The following KIF27 variants were observed in gnomAD, a reference collection of about 807,000 sequenced individuals.
KIF27 encodes the protein kinesin family member 27.
A neutral mutation model predicts 141.8 loss-of-function variants in KIF27; 84 were observed. The ratio of observed to expected loss-of-function variants is 0.59; its 90% CI spans 0.50 to 0.71. The LOEUF is 0.71. Ranked by LOEUF, KIF27 falls within the 30% of genes least tolerant of loss-of-function variation. The probability of loss-of-function intolerance (pLI) is 0.00; values close to 1 mark genes in which losing one functional copy is unlikely to be tolerated. For synonymous variants in KIF27, 471 were observed against 569.5 expected (o/e 0.83, Z 2.46); for missense variants, 1,306 against 1,628.4 (o/e 0.80, Z 3.41).
At chr9:83,851,500 T>G (rs534086232) in intron 15 of KIF27, among the ~76,000 whole-genome samples, 1 of 152,144 alleles carries the variant, frequency 6.6e-6, no homozygotes, top group Non-Finnish European at 1.5e-5. Context: ...CACAGGTACA[T>G]GCCATCATGC....
intron 8 of KIF27, among the ~76,000 whole-genome samples, chr9:83,887,874 A>C (rs150637966): frequency 5.3e-5 from 8 of 152,140 alleles, no homozygotes; most frequent in Non-Finnish European, 1.2e-4. Context: ...AAAGCCACGT[A>C]TAGGTTCTTA....
At chr9:83,891,751 C>T (rs953670637) in intron 5 of KIF27, among the ~76,000 whole-genome samples, 3 of 152,156 alleles carry the variant, frequency 2.0e-5, no homozygotes, top group Admixed American at 6.5e-5. Context: ...AAAGATAACA[C>T]GCCATCCACT....
chr9:83,853,754 T>A lies in KIF27; in HGVS notation c.3232A>T (p.Asn1078Tyr), dbSNP rs1404071284. ...AIEYRNESIQNRQKSLRASFH... is the reference protein window; with the variant it reads ...AIEYRNESIQYRQKSLRASFH... ...GATGCTCTAAGTGACTTCTGGCGAT[T>A]CTGGATACTTTCATTCCTGTATTCA... Residue 1078 changes from asparagine (N) to tyrosine (Y), a missense_variant, in exon 15 of 18, where the codon AAT (asparagine) becomes TAT (tyrosine). Around this residue, in one of 4 missense-constraint regions of KIF27, gnomAD observed 596 missense variants for 751.6 expected, o/e 0.79. Coordinates refer to ENST00000297814, the MANE Select transcript of KIF27 (RefSeq NM_017576.4). 1 of 1,613,848 alleles carries A rather than the reference T, an allele frequency of 6.2e-7. No homozygotes were observed. Among genetic ancestry groups the A allele is most frequent in the Admixed American group, 1.7e-5 (1 of 60,018 alleles).
chr9:83,915,345 A>G lies in KIF27; in HGVS notation c.247T>C (p.Tyr83His). 6 of 1,613,628 alleles carry G rather than the reference A, an allele frequency of 3.7e-6. No homozygotes were observed. The highest frequency in any genetic ancestry group is 5.1e-6 in the Non-Finnish European group (6 of 1,179,658). Residue 83 changes from tyrosine (Y) to histidine (H), a missense_variant, in exon 2 of 18, where the codon TAT becomes CAT. Around this residue, in one of 4 missense-constraint regions of KIF27, gnomAD observed 533 missense variants for 565.6 expected, o/e 0.94. Coordinates refer to ENST00000297814, the MANE Select transcript of KIF27 (RefSeq NM_017576.4). ...GTCTTCCCAGATCCAGTTTGTCCAT[A>G]GGCAAAAACAGTTGCATTATAGCCC... ...IEGYNATVFA[Y>H]GQTGSGKTYT...
intron 17 of KIF27, among the ~76,000 whole-genome samples, chr9:83,838,303 G>A (rs1334136577): frequency 1.3e-5 from 2 of 151,752 alleles, no homozygotes; most frequent in African/African-American, 4.8e-5. Flanking sequence ...GCGTGATCTC[G>A]GCTCACTGCA....
intron 14 of KIF27, 30 bp from the exon 15 acceptor site, chr9:83,853,865 A>C: frequency 6.8e-7 from 1 of 1,469,036 alleles, no homozygotes; most frequent in Non-Finnish European, 9.5e-7. Context: ...CTCATTTTAA[A>C]TGAAATAGTA....
intron 11 of KIF27, among the ~76,000 whole-genome samples, chr9:83,877,895 T>C (rs111314343): frequency 0.1 from 15,572 of 152,024 alleles, 1,002 homozygotes; most frequent in Non-Finnish European, 0.14. Context: ...AATAAGCACA[T>C]GAAAAGATGC....
chr9:83,857,972 T>TG (rs1024344119), intron 14 of KIF27, among the ~76,000 whole-genome samples: 1 of 151,316 alleles, frequency 6.6e-6, no homozygotes, highest in African/African-American at 2.4e-5. Flanking sequence ...TTGGGTTTTT[T>TG]TTTTTTTTTT....
At position 83,859,277 on chromosome 9, in the gene KIF27, G is replaced by A. The variant is rs774309586; in HGVS notation, c.3029C>T (p.Ala1010Val). Residue 1010 changes from alanine to valine, a missense_variant, in exon 14 of 18, where the codon GCT becomes GTT. This residue lies in a region of KIF27 where 596 missense variants were observed against 751.6 expected (regional missense o/e 0.79). Transcript: ENST00000297814. ...EKNVQLQTST[A>V]EEKTKISEQV... ...TTCTGAAATCTTTGTTTTCTCCTCAGCTGTACTGGTCTGGAGCTGCACATT... is the reference window on the plus strand; with the variant it reads ...TTCTGAAATCTTTGTTTTCTCCTCAACTGTACTGGTCTGGAGCTGCACATT... 17 of 1,613,772 alleles carry A rather than the reference G, an allele frequency of 1.1e-5. No individual in the cohort carries two copies. Among genetic ancestry groups the A allele is most frequent in the Non-Finnish European group, 1.4e-5 (17 of 1,179,884 alleles).
chr9:83,889,652 G>A (rs1295903693), intron 6 of KIF27, among the ~76,000 whole-genome samples: 2 of 151,450 alleles, frequency 1.3e-5, no homozygotes, highest in Non-Finnish European at 2.9e-5. Flanking sequence ...TGCCGCCAAA[G>A]GTCTGCATCC....
chr9:83,879,582 C>T (rs1218620497), intron 11 of KIF27, among the ~76,000 whole-genome samples: 7 of 152,160 alleles, frequency 4.6e-5, no homozygotes, highest in African/African-American at 1.2e-4. Context: ...GAGCCTGGCA[C>T]ATAGTACTAG....
rs559491169 is a variant in KIF27 at position 83,844,617 on chromosome 9, C to G, written c.3557-2216G>C. 3.9e-4 allele frequency among the ~76,000 whole-genome samples: 59 copies of G among 152,296 alleles called. 1 individual carries two copies. Among genetic ancestry groups the G allele is most frequent in the Non-Finnish European group, 7.1e-4 (48 of 68,036 alleles). On this transcript the variant is annotated intron_variant, in intron 16 of 17. Transcript: ENST00000297814. ...TTATGCAAAATAAATGCATTTGACA[C>G]TCCTGATTCACTGCTCATGAGAGGC...
chr9:83,841,317 C>T (rs530196212), intron 17 of KIF27, among the ~76,000 whole-genome samples: 161 of 152,250 alleles, frequency 1.1e-3, no homozygotes, highest in Non-Finnish European at 1.6e-3. Flanking sequence ...GTGATCCACC[C>T]GCCTTGGCCT....
At chr9:83,884,435 T>A (rs1192156084) in intron 9 of KIF27, among the ~76,000 whole-genome samples, 1 of 152,130 alleles carries the variant, frequency 6.6e-6, no homozygotes, top group African/African-American at 2.4e-5. Context: ...ATTATGAAAA[T>A]TTTAAAATAC....
chr9:83,888,197 A>G (rs1394543075), intron 8 of KIF27, among the ~76,000 whole-genome samples: 1 of 147,622 alleles, frequency 6.8e-6, no homozygotes, highest in East Asian at 2.0e-4. Context: ...TTTTAACATC[A>G]TCAGGAATAC....
chr9:83,888,783 T>A (rs908729621), intron 7 of KIF27, among the ~76,000 whole-genome samples, 191 bp from the exon 8 acceptor site: 45 of 151,040 alleles, frequency 3.0e-4, no homozygotes, highest in African/African-American at 8.0e-4. Flanking sequence ...AAAGTCATGT[T>A]TGTTGCCAAC....
In KIF27 at chr9:83,848,169, C is replaced by CTGATATATCATATATGATATATA. The variant is rs1564284949; in HGVS notation, c.3556+1907_3556+1929dup. On this transcript the variant is annotated intron_variant, in intron 16 of 17. Coordinates refer to ENST00000297814, the MANE Select transcript of KIF27 (RefSeq NM_017576.4). ...ATCTGATATATCATATATGATATAT[C>CTGATATATCATATATGATATATA]TGATATATCATATATGATATATATG... 3.1e-4 allele frequency among the ~76,000 whole-genome samples: 19 copies of CTGATATATCATATATGATATATA among 60,576 alleles called. 4 individuals carry two copies. Among genetic ancestry groups the CTGATATATCATATATGATATATA allele is most frequent in the East Asian group, 1.3e-3 (3 of 2,354 alleles). 39.7% of individuals were successfully genotyped at this position (60,576 alleles called of 152,430 possible). A position where few individuals can be genotyped will look rare whatever the true frequency, so the allele number is the denominator to read the frequency against.
At chr9:83,893,239 T>C (rs1391379463) in intron 5 of KIF27, among the ~76,000 whole-genome samples, 1 of 152,132 alleles carries the variant, frequency 6.6e-6, no homozygotes, top group Admixed American at 6.5e-5. Context: ...TCTGTCATAG[T>C]GGGAGATTTT....
At position 83,834,363 on chromosome 9, in the gene KIF27, T is replaced by C. The variant is rs1945566383; in HGVS notation, c.*2638A>G. ...ACCAGAGGTTCATTTCCAGAATATA[T>C]TATTCACGACGTTATTTATATGTGT... On this transcript the variant is annotated 3_prime_UTR_variant, in exon 18 of 18. Transcript: ENST00000297814. 6.6e-6 allele frequency among the ~76,000 whole-genome samples: 1 copy of C among 152,082 alleles called. No individual in the cohort carries two copies. Among genetic ancestry groups the C allele is most frequent in the Non-Finnish European group, 1.5e-5 (1 of 67,976 alleles).
Sources: gnomAD v4.1 joint callset for allele counts (sites outside exome capture counted in the v4.1 genomes callset) on GRCh38, gnomAD v4.1.1 for gene constraint, gnomAD v4.1.1 regional missense constraint, MANE v1.5 for transcripts, NCBI Gene and HGNC (gene_info 2026-07-23, HGNC 2026-07-21) for gene names.